Variants in CASP2 observed in about 807,000 individuals in gnomAD.
CASP2 encodes caspase-2.
A neutral mutation model predicts 54.4 loss-of-function variants in CASP2; 38 were observed. That is an observed-to-expected ratio of 0.70 (90% CI 0.54 to 0.92). CASP2 has a LOEUF of 0.92. CASP2 is among the 40% of genes least tolerant of loss of function. The probability of loss-of-function intolerance (pLI) is 0.00; values close to 1 mark genes in which losing one functional copy is unlikely to be tolerated. For missense variants in CASP2, 512 were observed against 579.6 expected, an observed-to-expected ratio of 0.88 and a Z score of 1.20; for synonymous variants, 215 against 216.3, an observed-to-expected ratio of 0.99 and a Z score of 0.05.
intron 6 of CASP2, among the ~76,000 whole-genome samples, chr7:143,299,710 T>C (rs1298989051): frequency 6.6e-6 from 1 of 152,222 alleles, no homozygotes; most frequent in Non-Finnish European, 1.5e-5. Context: ...GAATCTGTAT[T>C]CAGAATATTG....
intron 8 of CASP2, 79 bp downstream of exon 8, chr7:143,300,373 C>G: frequency 6.2e-7 from 1 of 1,603,160 alleles, no homozygotes; most frequent in Non-Finnish European, 8.5e-7. Context: ...CTGTTTGCTC[C>G]TCTCAGGTGC....
chr7:143,292,568 C>A, intron 3 of CASP2, 49 bp from the exon 4 acceptor site: 1 of 1,604,164 alleles, frequency 6.2e-7, no homozygotes, highest in East Asian at 2.2e-5. Flanking sequence ...TGTATTTGGA[C>A]CGGACCACTT....
At chr7:143,298,347 A>T (rs1801816659) in intron 6 of CASP2, among the ~76,000 whole-genome samples, 1 of 152,234 alleles carries the variant, frequency 6.6e-6, no homozygotes, top group Non-Finnish European at 1.5e-5. Flanking sequence ...CTTTCTGCCC[A>T]TCTCAGAAGA....
chr7:143,292,184 C>T, intron 2 of CASP2, 116 bp from the exon 3 acceptor site: 4 of 1,010,752 alleles, frequency 4.0e-6, no homozygotes, highest in Non-Finnish European at 6.1e-6. Flanking sequence ...CCCATACATA[C>T]ACTTTTCCTG....
In CASP2 at chr7:143,293,131, T is replaced by C. The variant is rs1442149344; in HGVS notation, c.475+433T>C. 4.8e-6 allele frequency: 3 copies of C among 621,128 alleles called. No homozygotes were observed. The East Asian group carries it at 8.2e-5, about 17-fold the overall frequency. 38.5% of individuals were successfully genotyped at this position (621,128 alleles called of 1,614,324 possible). ...TTTTTTTTGTTTTTTTTTTTTTTTG[T>C]TGTGTTTTTTTTCAGAAATAGGGTC... On this transcript the variant is annotated intron_variant, in intron 4 of 10. Transcript: ENST00000310447.
intron 1 of CASP2, 108 bp from the exon 2 acceptor site, chr7:143,291,432 T>C: frequency 2.8e-6 from 3 of 1,083,246 alleles, no homozygotes; most frequent in Non-Finnish European, 4.3e-6. Context: ...ATAATCTTGG[T>C]TATTGTAAGT....
chr7:143,301,641 C>A (rs1355289473), intron 8 of CASP2: 3 of 152,026 alleles, frequency 2.0e-5, no homozygotes, highest in African/African-American at 7.2e-5. Context: ...ATTTGATTTA[C>A]ATAGTTATAG....
intron 4 of CASP2, chr7:143,293,012 A>AAAAAT (rs751304801): frequency 5.5e-5 from 33 of 599,070 alleles, no homozygotes; most frequent in Admixed American, 3.6e-4. Flanking sequence ...CTCAGTCTCA[A>AAAAAT]AAAATAAAAT....
At chr7:143,296,604 AG>A (rs918113155) in intron 6 of CASP2, among the ~76,000 whole-genome samples, 1 of 152,186 alleles carries the variant, frequency 6.6e-6, no homozygotes, top group African/African-American at 2.4e-5. Flanking sequence ...GTTATAAACC[AG>A]GTAGTTGCAA....
chr7:143,288,796 G>C (rs1165228687), intron 1 of CASP2, among the ~76,000 whole-genome samples: 1 of 152,366 alleles, frequency 6.6e-6, no homozygotes, highest in East Asian at 1.9e-4. Flanking sequence ...CTAAAGGGGA[G>C]GTCTTTGCAG....
rs1355531049 is a variant in CASP2 at position 143,306,331 on chromosome 7, A to T, written c.*1260A>T. On this transcript the variant is annotated 3_prime_UTR_variant, in exon 11 of 11. Coordinates refer to ENST00000310447, the MANE Select transcript of CASP2 (RefSeq NM_032982.4). ...GAGGGCAGTGGCACGATCTCAGCTC[A>T]CTGCAAGCTCCAACTCCCGGGTTCA... 5 of 132,204 alleles carry T rather than the reference A, an allele frequency of 3.8e-5. No individual in the cohort carries two copies. Among genetic ancestry groups the T allele is most frequent in the African/African-American group, 1.5e-4 (5 of 34,038 alleles). The allele number at this position is 132,204 out of a possible 1,614,324, so 8.2% of individuals were successfully genotyped here.
chr7:143,288,359 C>A lies in CASP2; in HGVS notation c.-97C>A. On this transcript the variant is annotated 5_prime_UTR_variant, in exon 1 of 11. Coordinates refer to ENST00000310447, the MANE Select transcript of CASP2 (RefSeq NM_032982.4). ...AGGGCGCAGGCGCAGGCGCAGTGTG[C>A]GTCCGCGTCTGAGGGGAGGGATGTG... 8.1e-7 allele frequency: 1 copy of A among 1,236,956 alleles called. No homozygotes were observed. The highest frequency in any genetic ancestry group is 1.2e-6 in the Non-Finnish European group (1 of 862,036). The allele number at this position is 1,236,956 out of a possible 1,614,324, so 76.6% of individuals were successfully genotyped here. A position where few individuals can be genotyped will look rare whatever the true frequency, so the allele number is the denominator to read the frequency against.
At chr7:143,288,718 G>A (rs1185056435) in intron 1 of CASP2, among the ~76,000 whole-genome samples, 189 bp downstream of exon 1, 3 of 152,212 alleles carry the variant, frequency 2.0e-5, no homozygotes, top group Non-Finnish European at 4.4e-5. Context: ...CCCGCGGGCG[G>A]ACCTCTTGGC....
chr7:143,297,162 C>T (rs529766601), intron 6 of CASP2, among the ~76,000 whole-genome samples: 1 of 152,164 alleles, frequency 6.6e-6, no homozygotes, highest in African/African-American at 2.4e-5. Flanking sequence ...CTTCACATGT[C>T]CCCCAACCCC....
intron 9 of CASP2, 51 bp downstream of exon 9, chr7:143,303,984 G>T: frequency 6.8e-7 from 1 of 1,475,538 alleles, no homozygotes; most frequent in Non-Finnish European, 9.3e-7. Flanking sequence ...GTTGCACTTT[G>T]CTTTATTGTG....
At chr7:143,292,527 G>A (rs1801607025) in intron 3 of CASP2, 60 bp downstream of exon 3, 1 of 1,605,612 alleles carries the variant, frequency 6.2e-7, no homozygotes. Context: ...AAAGGAATTT[G>A]TAAGTCAGAG....
At chr7:143,292,565 G>C in intron 3 of CASP2, 52 bp from the exon 4 acceptor site, 1 of 1,604,638 alleles carries the variant, frequency 6.2e-7, no homozygotes, top group Non-Finnish European at 8.5e-7. Flanking sequence ...TGTTGTATTT[G>C]GACCGGACCA....
intron 9 of CASP2, 61 bp downstream of exon 9, chr7:143,303,994 G>A: frequency 6.9e-7 from 1 of 1,445,738 alleles, no homozygotes; most frequent in Non-Finnish European, 9.5e-7. Flanking sequence ...GCTTTATTGT[G>A]CTTTGCAGGT....
At chr7:143,301,648 A>T (rs562217202) in intron 8 of CASP2, 2 of 152,286 alleles carry the variant, frequency 1.3e-5, no homozygotes, top group East Asian at 3.9e-4. Flanking sequence ...TTACATAGTT[A>T]TAGAGTAGTA....
Sources: allele counts gnomAD v4.1 joint callset (sites outside exome capture counted in the v4.1 genomes callset), GRCh38; gene constraint gnomAD v4.1.1; transcripts MANE v1.5; gene names NCBI Gene and HGNC (gene_info 2026-07-23, HGNC 2026-07-21).